The following MGAM2 variants were observed in gnomAD, a reference collection of about 807,000 sequenced individuals.
MGAM2 encodes maltase-glucoamylase 2 (putative), also known as probable maltase-glucoamylase 2.
In MGAM2, 98 loss-of-function variants were observed where a neutral mutation model predicts 96.1. The observed-to-expected ratio is 1.02, with a 90% CI of 0.87 to 1.21. The LOEUF is 1.21. Ranked by LOEUF, MGAM2 falls within the 50% of genes most tolerant of loss-of-function variation. The probability of loss-of-function intolerance (pLI) is 0.00; values close to 1 mark genes in which losing one functional copy is unlikely to be tolerated. For missense variants in MGAM2, 2,055 were observed against 1,182.4 expected (o/e 1.74, Z -10.82); for synonymous variants, 749 against 414.8 (o/e 1.81, Z -9.79).
chr7:142,166,769 A>G (rs910321656), intron 25 of MGAM2, among the ~76,000 whole-genome samples: 1 of 152,190 alleles, frequency 6.6e-6, no homozygotes, highest in Admixed American at 6.5e-5. Flanking sequence ...GTTTAAAAAA[A>G]TGGATGTGTT....
intron 26 of MGAM2, among the ~76,000 whole-genome samples, chr7:142,168,490 G>A (rs1344171658): frequency 6.6e-6 from 1 of 151,912 alleles, no homozygotes; most frequent in Admixed American, 6.6e-5. Context: ...GGCTGGTCTC[G>A]AACTCCTGAC....
intron 46 of MGAM2, among the ~76,000 whole-genome samples, chr7:142,208,899 G>T (rs913021951): frequency 2.0e-5 from 3 of 152,186 alleles, no homozygotes; most frequent in Non-Finnish European, 2.9e-5. Context: ...CCAAAGATGA[G>T]AAATTTACTA....
intron 17 of MGAM2, among the ~76,000 whole-genome samples, chr7:142,157,613 A>C (rs1191684122): frequency 6.6e-6 from 1 of 152,126 alleles, no homozygotes; most frequent in Non-Finnish European, 1.5e-5. Flanking sequence ...GATGGTCTCC[A>C]TCTCCTGACC....
At chr7:142,136,396 C>A (rs572574444) in intron 7 of MGAM2, 145 bp from the exon 8 acceptor site, 31 of 429,502 alleles carry the variant, frequency 7.2e-5, no homozygotes, top group African/African-American at 6.1e-4. Context: ...TTGATAATAT[C>A]ATTACAATGC....
intron 1 of MGAM2, among the ~76,000 whole-genome samples, chr7:142,114,395 G>T (rs1196690391): frequency 6.6e-6 from 1 of 152,020 alleles, no homozygotes; most frequent in Non-Finnish European, 1.5e-5. Context: ...AGTAACCTCG[G>T]TGGGAGCATT....
rs535750466 is a variant in MGAM2, at chr7:142,118,690, C to T, written c.107-1612C>T. The stretch of plus-strand genomic sequence containing the variant: ...ATCTTCCTGATATGTAGCCTGAGCC[C>T]TCTGGTGTCTTTAAGCAGCTGTGCC... On this transcript the variant is annotated intron_variant, in intron 2 of 47. Coordinates refer to ENST00000477922, the MANE Select transcript of MGAM2 (RefSeq NM_001293626.2). Among the ~76,000 whole-genome samples, 18 of 152,250 alleles carry T rather than the reference C, an allele frequency of 1.2e-4. No individual in the cohort carries two copies. The South Asian group carries it at 3.5e-3, about 30-fold the overall frequency.
chr7:142,185,405 G>A (rs1037537712), intron 34 of MGAM2, among the ~76,000 whole-genome samples: 8 of 152,240 alleles, frequency 5.3e-5, no homozygotes, highest in East Asian at 1.9e-4. Context: ...ACTTTATGAC[G>A]CTTGAAAAAT....
chr7:142,221,671 T>C lies in MGAM2; in HGVS notation c.7160T>C (p.Phe2387Ser), dbSNP rs1209089584. 3 of 439,412 alleles carry C rather than the reference T, an allele frequency of 6.8e-6. No homozygotes were observed. The highest frequency in any genetic ancestry group is 8.0e-6 in the Non-Finnish European group (2 of 250,146). 27.2% of individuals were successfully genotyped at this position (439,412 alleles called of 1,614,324 possible). ...AAATTCACCACACACATCACACAGT[T>C]CGCTACTCCCCATTCTGCTACTACT... ...IDKFTTHITQ[F>S]ATPHSATTTT... Residue 2387 changes from phenylalanine (F) to serine (S), a missense_variant, in exon 48 of 48, where the codon TTC becomes TCC. Phe to Ser is a radical substitution (Grantham distance 155, BLOSUM62 -2). Coordinates refer to ENST00000477922, the MANE Select transcript of MGAM2 (RefSeq NM_001293626.2).
At chr7:142,151,280 G>A (rs188236744) in intron 15 of MGAM2, among the ~76,000 whole-genome samples, 43 of 152,156 alleles carry the variant, frequency 2.8e-4, no homozygotes, top group African/African-American at 8.4e-4. Flanking sequence ...AGACTGGGTC[G>A]GTGTTATTTT....
chr7:142,201,077 TTTTTC>T lies in MGAM2; in HGVS notation c.5137+1114_5137+1118del, dbSNP rs1248988467. Among the ~76,000 whole-genome samples the T allele has an allele frequency of 3.9e-3, 472 of 121,156 alleles. 16 individuals carry two copies. Among genetic ancestry groups the T allele is most frequent in the Non-Finnish European group, 5.6e-3 (331 of 59,150 alleles). The allele number at this position is 121,156 out of a possible 152,430, so 79.5% of individuals were successfully genotyped here. ...TATAAATAACATCCTTTTTCTTTTT[TTTTTC>T]TTTTTTTTTTTTTTTTGAGTCTCAC... On this transcript the variant is annotated intron_variant, in intron 45 of 47. Coordinates refer to ENST00000477922, the MANE Select transcript of MGAM2 (RefSeq NM_001293626.2).
Position 142,172,114 on chromosome 7 carries a change from A to G in MGAM2, c.3368A>G (p.Tyr1123Cys), listed in dbSNP as rs997869585. Reference protein sequence around the residue: ...DEPPAYKKNSYGVHPYYMALE... With the variant: ...DEPPAYKKNSCGVHPYYMALE... ...GACTCCCAGTACAAGAAGAATTCCT[A>G]TGGTGTCCACCCTTACTACATGGCA... is the stretch of plus-strand genomic sequence containing the variant. The change falls in exon 29 of 48, where the codon TAT becomes TGT. Residue 1123 changes from tyrosine (Y) to cysteine (C), a missense_variant. Transcript: ENST00000477922. The G allele has an allele frequency of 8.2e-6, 6 of 732,900 alleles. No individual in the cohort carries two copies. Among genetic ancestry groups the G allele is most frequent in the South Asian group, 1.5e-5 (1 of 68,826 alleles). 45.4% of individuals were successfully genotyped at this position (732,900 alleles called of 1,614,324 possible).
chr7:142,219,742 T>A (rs1797862836), intron 47 of MGAM2, 128 bp from the exon 48 acceptor site: 2 of 594,038 alleles, frequency 3.4e-6, no homozygotes, highest in Non-Finnish European at 6.0e-6. Context: ...CAAAAAGGAA[T>A]GTTTATATCC....
At chr7:142,169,084 G>A (rs1215582660) in intron 26 of MGAM2, among the ~76,000 whole-genome samples, 1 of 152,170 alleles carries the variant, frequency 6.6e-6, no homozygotes, top group Non-Finnish European at 1.5e-5. Flanking sequence ...AAGCTCCCAG[G>A]CAATGCTGCT....
intron 23 of MGAM2, 142 bp from the exon 24 acceptor site, chr7:142,164,714 G>A (rs1267623924): frequency 1.9e-6 from 1 of 515,348 alleles, no homozygotes; most frequent in African/African-American, 2.0e-5. Flanking sequence ...GAGTTCCCTA[G>A]GGATGATGAC....
At chr7:142,167,212 A>T (rs1796054026) in intron 25 of MGAM2, 56 bp from the exon 26 acceptor site, 2 of 627,326 alleles carry the variant, frequency 3.2e-6, no homozygotes, top group South Asian at 1.8e-5. Context: ...TTCTTCAGTA[A>T]TGAGAGCCTT....
chr7:142,138,750 A>C (rs896036586), intron 10 of MGAM2, 83 bp downstream of exon 10: 2 of 636,102 alleles, frequency 3.1e-6, no homozygotes, highest in Non-Finnish European at 5.7e-6. Context: ...ATTAGGAAAA[A>C]TGTAGATAAA....
chr7:142,174,855 A>G lies in MGAM2; in HGVS notation c.3688-797A>G, dbSNP rs143123677. ...CTCAGCCTCCTCAGTAGCTAGGACT[A>G]CAGGTGTGGGCCACCAAGCTTGGCT... On this transcript the variant is annotated intron_variant, in intron 31 of 47. Transcript: ENST00000477922. Among the ~76,000 whole-genome samples, 605 of 151,760 alleles carry G rather than the reference A, an allele frequency of 4.0e-3. 4 individuals are homozygous for G. The highest frequency in any genetic ancestry group is 0.014 in the African/African-American group (590 of 41,324).
At chr7:142,129,707 C>T (rs1794827529) in intron 3 of MGAM2, among the ~76,000 whole-genome samples, 2 of 150,624 alleles carry the variant, frequency 1.3e-5, no homozygotes, top group South Asian at 2.1e-4. Context: ...AGCCTGTAAT[C>T]CTAGCTACTC....
chr7:142,139,675 A>AAAG (rs1795162295), intron 10 of MGAM2, among the ~76,000 whole-genome samples: 2 of 151,602 alleles, frequency 1.3e-5, no homozygotes, highest in African/African-American at 4.8e-5. Context: ...AAAAAAAAAA[A>AAAG]AAAAAGAATA....
Sources: allele counts gnomAD v4.1 joint callset (sites outside exome capture counted in the v4.1 genomes callset), GRCh38; gene constraint gnomAD v4.1.1; transcripts MANE v1.5; gene names NCBI Gene and HGNC (gene_info 2026-07-23, HGNC 2026-07-21).